Variants in EYS observed in about 807,000 individuals in gnomAD.
The protein encoded by EYS is protein eyes shut homolog.
A neutral mutation model predicts 282.1 loss-of-function variants in EYS; 250 were observed. The ratio of observed to expected loss-of-function variants is 0.89; its 90% CI spans 0.80 to 0.98. The LOEUF (loss-of-function observed/expected upper bound fraction) is 0.98. EYS is among the 50% of genes least tolerant of loss of function. The pLI, the probability that EYS is intolerant of heterozygous loss-of-function variation, is 0.00. For missense variants in EYS, 4,016 were observed against 3,709.0 expected (o/e 1.08, Z -2.15); for synonymous variants, 1,355 against 1,282.9 (o/e 1.06, Z -1.20).
At chr6:63,932,875 C>A (rs998243178) in intron 35 of EYS, among the ~76,000 whole-genome samples, 1 of 152,218 alleles carries the variant, frequency 6.6e-6, no homozygotes, top group Non-Finnish European at 1.5e-5. Flanking sequence ...TAAGACTTCT[C>A]CCCACTTCAG....
intron 37 of EYS, among the ~76,000 whole-genome samples, chr6:63,792,555 T>C (rs1245412690): frequency 2.6e-5 from 4 of 152,080 alleles, no homozygotes; most frequent in Non-Finnish European, 4.4e-5. Flanking sequence ...AACCTGCACA[T>C]TGTGCACATG....
chr6:64,297,543 C>A (rs944440316), intron 30 of EYS, among the ~76,000 whole-genome samples: 9 of 152,144 alleles, frequency 5.9e-5, no homozygotes, highest in African/African-American at 2.4e-5. Context: ...TGACTTTTCA[C>A]ATACAAGGAT....
chr6:64,026,195 G>A (rs946904593), intron 33 of EYS, among the ~76,000 whole-genome samples: 4 of 152,134 alleles, frequency 2.6e-5, no homozygotes, highest in African/African-American at 9.7e-5. Flanking sequence ...ATTCCGATCA[G>A]CAGGGTCCAG....
At chr6:65,004,536 T>C (rs1771577462) in intron 13 of EYS, among the ~76,000 whole-genome samples, 1 of 147,788 alleles carries the variant, frequency 6.8e-6, no homozygotes. Flanking sequence ...CCTGAAAAGC[T>C]GGCACACTGG....
intron 14 of EYS, among the ~76,000 whole-genome samples, chr6:64,958,760 A>AAAAAAAAAAAAAAAAAAAG (rs1769812125): frequency 1.3e-5 from 2 of 148,908 alleles, no homozygotes; most frequent in African/African-American, 4.9e-5. Flanking sequence ...AAAAAAAAAA[A>AAAAAAAAAAAAAAAAAAAG]AAAGAAACAA....
At chr6:65,200,193 G>A (rs903041005) in intron 12 of EYS, among the ~76,000 whole-genome samples, 3 of 148,074 alleles carry the variant, frequency 2.0e-5, no homozygotes, top group African/African-American at 5.3e-5. Context: ...GAAGCTCTCA[G>A]CCTGTGTGAC....
intron 1 of EYS, among the ~76,000 whole-genome samples, chr6:65,661,447 A>G (rs1412200818): frequency 6.6e-6 from 1 of 152,028 alleles, no homozygotes; most frequent in Non-Finnish European, 1.5e-5. Context: ...CTATGCTACA[A>G]TGTTAAAATA....
rs577635871 is a variant in EYS at position 64,854,363 on chromosome 6, A to G, written c.2993-31541T>C. On this transcript the variant is annotated intron_variant, in intron 19 of 42. Transcript: ENST00000503581. ...TTGGAACCAACCCAAATGTCCAACA[A>G]CGATAGACTGGATTAAGAAAATGTG... is the stretch of plus-strand genomic sequence containing the variant. Among the ~76,000 whole-genome samples the G allele has an allele frequency of 2.2e-3, 331 of 152,192 alleles. 1 individual carries two copies. Among genetic ancestry groups the G allele is most frequent in the Admixed American group, 3.7e-3 (57 of 15,292 alleles).
At chr6:64,380,078 C>A (rs768770785) in intron 29 of EYS, among the ~76,000 whole-genome samples, 1 of 150,062 alleles carries the variant, frequency 6.7e-6, no homozygotes, top group African/African-American at 2.5e-5. Flanking sequence ...ATAGATTTTC[C>A]CCCATGTAGC....
At chr6:64,418,761 G>A (rs1774136074) in intron 28 of EYS, among the ~76,000 whole-genome samples, 1 of 150,198 alleles carries the variant, frequency 6.7e-6, no homozygotes, top group Non-Finnish European at 1.5e-5. Flanking sequence ...GACTATAATT[G>A]AGGGAAGGTT....
chr6:64,389,320 T>A (rs1773021419), intron 28 of EYS, among the ~76,000 whole-genome samples: 2 of 152,178 alleles, frequency 1.3e-5, no homozygotes, highest in African/African-American at 4.8e-5. Context: ...AATTAACAAA[T>A]GAATAAATCA....
intron 31 of EYS, among the ~76,000 whole-genome samples, chr6:64,143,175 G>C (rs1774395007): frequency 6.6e-6 from 1 of 151,926 alleles, no homozygotes; most frequent in Non-Finnish European, 1.5e-5. Context: ...TGGAGAGAGG[G>C]ATGAATAGAC....
intron 12 of EYS, among the ~76,000 whole-genome samples, chr6:65,271,935 G>T (rs1339922008): frequency 6.6e-6 from 1 of 152,080 alleles, no homozygotes; most frequent in Non-Finnish European, 1.5e-5. Context: ...TCTACCTTCA[G>T]CCAGTTGAAG....
intron 12 of EYS, among the ~76,000 whole-genome samples, chr6:65,286,537 C>A (rs1348599096): frequency 1.3e-5 from 2 of 151,714 alleles, no homozygotes; most frequent in Non-Finnish European, 3.0e-5. Flanking sequence ...CATATATCTT[C>A]AAAATTTAAC....
intron 2 of EYS, among the ~76,000 whole-genome samples, chr6:65,501,499 C>G (rs1445094388): frequency 6.6e-6 from 1 of 151,586 alleles, no homozygotes; most frequent in Non-Finnish European, 1.5e-5. Flanking sequence ...TGCCATTATA[C>G]AGTTGGTCTA....
In EYS at chr6:65,231,131, T is replaced by TTATATATATGTATTTA. The variant is rs1391195746; in HGVS notation, c.2023+64731_2023+64732insTAAATACATATATATA. Among the ~76,000 whole-genome samples the TTATATATATGTATTTA allele has an allele frequency of 3.0e-3, 430 of 142,040 alleles. 1 individual carries two copies. The highest frequency in any genetic ancestry group is 4.8e-3 in the Non-Finnish European group (314 of 64,888). 93.2% of individuals were successfully genotyped at this position (142,040 alleles called of 152,430 possible). A position where few individuals can be genotyped will look rare whatever the true frequency, so the allele number is the denominator to read the frequency against. ...TATATGTATTTATATATATATACTT[T>TTATATATATGTATTTA]TATATATATACTTTTATATATATAC... is the stretch of plus-strand genomic sequence containing the variant. On this transcript the variant is annotated intron_variant, in intron 12 of 42. Coordinates refer to ENST00000503581, the MANE Select transcript of EYS (RefSeq NM_001142800.2).
intron 30 of EYS, among the ~76,000 whole-genome samples, chr6:64,249,118 A>C (rs193100879): frequency 6.6e-6 from 1 of 151,602 alleles, no homozygotes; most frequent in East Asian, 1.9e-4. Context: ...TCATAGCACT[A>C]TTCACAATAT....
At chr6:64,470,850 C>A (rs1223558460) in intron 26 of EYS, among the ~76,000 whole-genome samples, 1 of 152,002 alleles carries the variant, frequency 6.6e-6, no homozygotes, top group East Asian at 1.9e-4. Context: ...ATAAAGAGAA[C>A]AAATATTTGA....
intron 5 of EYS, among the ~76,000 whole-genome samples, chr6:65,430,122 G>T (rs1392968086): frequency 6.6e-6 from 1 of 152,074 alleles, no homozygotes; most frequent in African/African-American, 2.4e-5. Flanking sequence ...CAGAATAGAA[G>T]GCTCCATCAA....
Sources: gnomAD v4.1 joint callset for allele counts (sites outside exome capture counted in the v4.1 genomes callset) on GRCh38, gnomAD v4.1.1 for gene constraint, MANE v1.5 for transcripts, NCBI Gene and HGNC (gene_info 2026-07-23, HGNC 2026-07-21) for gene names.